Variants in MAGI3 observed in about 807,000 individuals in gnomAD.
MAGI3 encodes the protein membrane associated guanylate kinase, WW and PDZ domain containing 3, also known as membrane-associated guanylate kinase, WW and PDZ domain-containing protein 3.
A neutral mutation model predicts 121.8 loss-of-function variants in MAGI3; 43 were observed. The ratio of observed to expected loss-of-function variants is 0.35; its 90% CI spans 0.28 to 0.46. MAGI3 has a LOEUF of 0.46. Ranked by LOEUF, MAGI3 falls within the 20% of genes least tolerant of loss-of-function variation. The pLI is 1.00. For synonymous variants in MAGI3, 553 were observed against 639.3 expected, an observed-to-expected ratio of 0.86 and a Z score of 2.04; for missense variants, 1,547 against 1,797.3, an observed-to-expected ratio of 0.86 and a Z score of 2.52.
At chr1:113,557,907 G>A (rs1228033686) in intron 2 of MAGI3, among the ~76,000 whole-genome samples, 2 of 152,100 alleles carry the variant, frequency 1.3e-5, no homozygotes, top group Non-Finnish European at 2.9e-5. Flanking sequence ...ATACCTCCAG[G>A]TACAGGAAGA....
rs78167133 is a variant in MAGI3, at chr1:113,470,785, A to C, written c.317-78730A>C. ...AATATTCCATATATAAGTGAGATGG[A>C]GTATTTGTATTTCTATGCTAGGCTT... On this transcript the variant is annotated intron_variant, in intron 1 of 20. Coordinates refer to ENST00000307546, the MANE Select transcript of MAGI3 (RefSeq NM_001142782.2). 1.2e-3 allele frequency among the ~76,000 whole-genome samples: 181 copies of C among 152,168 alleles called. 1 individual carries two copies. The highest frequency in any genetic ancestry group is 4.2e-3 in the African/African-American group (174 of 41,536).
chr1:113,588,432 G>A (rs1468950489), intron 4 of MAGI3, among the ~76,000 whole-genome samples: 1 of 152,180 alleles, frequency 6.6e-6, no homozygotes. Flanking sequence ...TGATGGGCAT[G>A]AGGAGGGAAG....
intron 16 of MAGI3, among the ~76,000 whole-genome samples, chr1:113,663,452 A>G (rs1440964816): frequency 2.0e-5 from 3 of 152,036 alleles, no homozygotes; most frequent in African/African-American, 7.2e-5. Context: ...AAATAGAATC[A>G]TACAATATGT....
At chr1:113,400,841 T>G (rs1351914533) in intron 1 of MAGI3, among the ~76,000 whole-genome samples, 1 of 152,190 alleles carries the variant, frequency 6.6e-6, no homozygotes, top group Non-Finnish European at 1.5e-5. Flanking sequence ...ATTTGCTAAC[T>G]AGAGCAATCT....
rs1409449427 is a variant in MAGI3 at position 113,497,302 on chromosome 1, C to T, written c.317-52213C>T. 3.1e-5 allele frequency among the ~76,000 whole-genome samples: 4 copies of T among 129,774 alleles called. 1 individual carries two copies. The highest frequency in any genetic ancestry group is 8.8e-4 in the East Asian group (2 of 2,270). The allele number at this position is 129,774 out of a possible 152,430, so 85.1% of individuals were successfully genotyped here. A position where few individuals can be genotyped will look rare whatever the true frequency, so the allele number is the denominator to read the frequency against. On this transcript the variant is annotated intron_variant, in intron 1 of 20. Transcript: ENST00000307546. Reference sequence around the variant, plus strand: ...ATTTCTGCATTTCCATCTGAGGTACCGGGTTCATCTCACTAGGGAGTGCCA... The same window carrying T: ...ATTTCTGCATTTCCATCTGAGGTACTGGGTTCATCTCACTAGGGAGTGCCA...
At chr1:113,440,540 A>G (rs752234376) in intron 1 of MAGI3, among the ~76,000 whole-genome samples, 117 of 152,298 alleles carry the variant, frequency 7.7e-4, no homozygotes, top group Non-Finnish European at 1.2e-3. Context: ...AATTGGTTAC[A>G]TGGACTACTG....
At chr1:113,643,328 T>C (rs1408558743) in intron 10 of MAGI3, among the ~76,000 whole-genome samples, 5 of 152,240 alleles carry the variant, frequency 3.3e-5, no homozygotes, top group Non-Finnish European at 7.3e-5. Context: ...TCTCGTTTCT[T>C]TGATTCACAT....
chr1:113,620,995 A>G (rs77892281), intron 8 of MAGI3, among the ~76,000 whole-genome samples: 1 of 152,152 alleles, frequency 6.6e-6, no homozygotes, highest in African/African-American at 2.4e-5. Context: ...AGACATGTAC[A>G]AGTTACAGTG....
At chr1:113,553,379 A>G (rs1370095834) in intron 2 of MAGI3, among the ~76,000 whole-genome samples, 1 of 152,176 alleles carries the variant, frequency 6.6e-6, no homozygotes, top group Non-Finnish European at 1.5e-5. Flanking sequence ...CAATCTGTAA[A>G]GGCACCCCCT....
intron 14 of MAGI3, among the ~76,000 whole-genome samples, chr1:113,652,179 TATGAATA>T (rs768017598): frequency 3.3e-5 from 5 of 152,070 alleles, no homozygotes; most frequent in Non-Finnish European, 7.3e-5. Flanking sequence ...CCAGTAGCTT[TATGAATA>T]ATTAAATAGA....
intron 1 of MAGI3, among the ~76,000 whole-genome samples, chr1:113,409,557 C>CA (rs1651865259): frequency 6.6e-6 from 1 of 152,038 alleles, no homozygotes; most frequent in African/African-American, 2.4e-5. Flanking sequence ...GCAAGAGAAT[C>CA]ACCTGGGCCC....
intron 1 of MAGI3, among the ~76,000 whole-genome samples, chr1:113,473,369 C>T (rs981237088): frequency 6.6e-6 from 1 of 152,010 alleles, no homozygotes; most frequent in Non-Finnish European, 1.5e-5. Flanking sequence ...GATCAACTAA[C>T]TCATCATTTA....
At chr1:113,416,907 A>G (rs1271698930) in intron 1 of MAGI3, among the ~76,000 whole-genome samples, 2 of 152,108 alleles carry the variant, frequency 1.3e-5, no homozygotes, top group African/African-American at 4.8e-5. Flanking sequence ...GTTATAAATA[A>G]AGTACTATAA....
At chr1:113,558,087 A>G (rs1660073140) in intron 2 of MAGI3, among the ~76,000 whole-genome samples, 1 of 152,242 alleles carries the variant, frequency 6.6e-6, no homozygotes, top group African/African-American at 2.4e-5. Context: ...AAGGTACATA[A>G]GCCCACAATG....
chr1:113,506,266 A>G (rs1657319605), intron 1 of MAGI3, among the ~76,000 whole-genome samples: 1 of 152,170 alleles, frequency 6.6e-6, no homozygotes, highest in South Asian at 2.1e-4. Flanking sequence ...TTAATTTTGA[A>G]TATACTTTAG....
At chr1:113,681,393 G>A in intron 20 of MAGI3, 57 bp downstream of exon 20, 3 of 1,548,794 alleles carry the variant, frequency 1.9e-6, no homozygotes, top group Non-Finnish European at 2.6e-6. Context: ...GGGGACAGAA[G>A]AAAAAGGAAT....
At chr1:113,607,084 A>G (rs1649819922) in intron 6 of MAGI3, among the ~76,000 whole-genome samples, 1 of 152,186 alleles carries the variant, frequency 6.6e-6, no homozygotes, top group South Asian at 2.1e-4. Context: ...TTCTTCCTCC[A>G]GTTATTTCTC....
chr1:113,565,194 A>T (rs1422248692), intron 2 of MAGI3, among the ~76,000 whole-genome samples: 2 of 152,054 alleles, frequency 1.3e-5, no homozygotes, highest in African/African-American at 4.8e-5. Context: ...GTTTTATCTG[A>T]TGGTCTTGAT....
At chr1:113,610,365 T>C (rs1450824646) in intron 6 of MAGI3, among the ~76,000 whole-genome samples, 4 of 152,212 alleles carry the variant, frequency 2.6e-5, no homozygotes. Context: ...AAAATGTTAG[T>C]GCTCCTAAGG....
Sources: gnomAD v4.1 joint callset for allele counts (sites outside exome capture counted in the v4.1 genomes callset) on GRCh38, gnomAD v4.1.1 for gene constraint, MANE v1.5 for transcripts, NCBI Gene and HGNC (gene_info 2026-07-23, HGNC 2026-07-21) for gene names.